MIB1: variants seen among roughly 807,000 people sequenced by gnomAD.
The protein encoded by MIB1 is E3 ubiquitin-protein ligase MIB1.
MIB1 carries 278 observed loss-of-function variants against 124.5 expected under a neutral mutation model. That is an observed-to-expected ratio of 2.23 (90% CI 2.02 to 2.47). The LOEUF (loss-of-function observed/expected upper bound fraction) is 2.47, where lower values mean the gene tolerates loss of function less well. Among genes scored for constraint, MIB1 ranks in the 30% most tolerant of loss-of-function variants. The probability of loss-of-function intolerance (pLI) is 0.00; values close to 1 mark genes in which losing one functional copy is unlikely to be tolerated. For missense variants in MIB1, 957 were observed against 1,254.4 expected (o/e 0.76, Z 3.58); for synonymous variants, 446 against 429.4 (o/e 1.04, Z -0.48).
At chr18:21,811,733 T>A (rs549515237) in intron 10 of MIB1, among the ~76,000 whole-genome samples, 10 of 151,932 alleles carry the variant, frequency 6.6e-5, no homozygotes, top group Admixed American at 2.6e-4. Context: ...AGAGTTTCAG[T>A]TTTCTCAGTT....
chr18:21,777,641 G>A (rs2041306440), intron 4 of MIB1, among the ~76,000 whole-genome samples: 1 of 151,746 alleles, frequency 6.6e-6, no homozygotes, highest in Non-Finnish European at 1.5e-5. Context: ...TGCAACCTCT[G>A]CCTCCCGGGT....
At position 21,741,419 on chromosome 18, in the gene MIB1, G is replaced by T; in HGVS notation, c.-165G>T. On this transcript the variant is annotated 5_prime_UTR_variant, in exon 1 of 21. Coordinates refer to ENST00000261537, the MANE Select transcript of MIB1 (RefSeq NM_020774.4). The surrounding 1 kb of genome is among the most constrained non-coding windows in gnomAD (Gnocchi z 5.4). ...GCTGGGCAGCGGCTTTGGGCTCCGC[G>T]GGGACCGCGCCGCCGCCCCCGTGAG... 3 of 301,518 alleles carry T rather than the reference G, an allele frequency of 9.9e-6. No individual in the cohort carries two copies. The highest frequency in any genetic ancestry group is 1.0e-3 in the Middle Eastern group (1 of 978). The allele number at this position is 301,518 out of a possible 1,614,324, so 18.7% of individuals were successfully genotyped here. A position where few individuals can be genotyped will look rare whatever the true frequency, so the allele number is the denominator to read the frequency against.
rs918566128 is a variant in MIB1, at chr18:21,716,532, A to G, written n.167+11409A>G. On this transcript the variant is annotated intron_variant and non_coding_transcript_variant, in intron 1 of 20. Coordinates refer to the MIB1 transcript ENST00000578646. ...GAATAGTACCTCACATCTCAATACT[A>G]ATGTTTAATGTAAATGGCCTAAAAA... Among the ~76,000 whole-genome samples the G allele has an allele frequency of 2.6e-5, 4 of 152,336 alleles. No individual in the cohort carries two copies. The East Asian group carries it at 7.7e-4, about 29-fold the overall frequency.
chr18:21,741,540 C>A lies in MIB1; in HGVS notation c.-44C>A. 3.9e-6 allele frequency: 5 copies of A among 1,292,752 alleles called. No individual in the cohort carries two copies. Among genetic ancestry groups the A allele is most frequent in the African/African-American group, 1.6e-5 (1 of 63,916 alleles). 80.1% of individuals were successfully genotyped at this position (1,292,752 alleles called of 1,614,324 possible). ...CTCACGGGCCCCCCGGCGGCAGCGG[C>A]GGCGGCGGCGGCGGCAGCGGCGGAG... is the stretch of plus-strand genomic sequence containing the variant. On this transcript the variant is annotated 5_prime_UTR_variant, in exon 1 of 21. Transcript: ENST00000261537. The surrounding 1 kb of genome is among the most constrained non-coding windows in gnomAD (Gnocchi z 5.4).
chr18:21,728,353 C>T (rs1352387601), intron 1 of MIB1, among the ~76,000 whole-genome samples: 4 of 152,036 alleles, frequency 2.6e-5, no homozygotes, highest in African/African-American at 9.7e-5. Context: ...ATTAGCCGGG[C>T]ATGGTTGTGG....
At chr18:21,814,295 G>A (rs898932149) in intron 10 of MIB1, among the ~76,000 whole-genome samples, 3 of 150,176 alleles carry the variant, frequency 2.0e-5, no homozygotes, top group Non-Finnish European at 4.4e-5. Context: ...ACAGAAAAAT[G>A]TATGCTCATC....
rs1277647534 is a variant in MIB1, at chr18:21,868,083, T to TA, written c.*3423dup. The stretch of plus-strand genomic sequence containing the variant: ...CCATGTTTTATAGTAATAATTTGTG[T>TA]AAAAAATTGAATTTTTGAATAGTTT... On this transcript the variant is annotated 3_prime_UTR_variant, in exon 21 of 21. Transcript: ENST00000261537. 3.9e-4 allele frequency: 59 copies of TA among 152,170 alleles called. No individual in the cohort carries two copies. The highest frequency in any genetic ancestry group is 1.4e-3 in the African/African-American group (57 of 41,580). 9.4% of individuals were successfully genotyped at this position (152,170 alleles called of 1,614,324 possible).
intron 1 of MIB1, among the ~76,000 whole-genome samples, chr18:21,732,231 G>A (rs2040774309): frequency 6.6e-6 from 1 of 151,742 alleles, no homozygotes; most frequent in Admixed American, 6.6e-5. Context: ...GGGAGGCTGA[G>A]GCAGGAGAAT....
At chr18:21,820,627 T>A (rs2041869969) in intron 12 of MIB1, among the ~76,000 whole-genome samples, 1 of 152,210 alleles carries the variant, frequency 6.6e-6, no homozygotes, top group South Asian at 2.1e-4. Flanking sequence ...ATTTTGGCAT[T>A]GTGAAGAAGA....
chr18:21,853,925 C>T, intron 18 of MIB1, among the ~76,000 whole-genome samples: 1 of 146,612 alleles, frequency 6.8e-6, no homozygotes, highest in Non-Finnish European at 1.5e-5. Flanking sequence ...AGTGCAGTGG[C>T]ACAATCTCGG....
At chr18:21,840,486 A>G (rs1164392144) in intron 13 of MIB1, among the ~76,000 whole-genome samples, 1 of 151,966 alleles carries the variant, frequency 6.6e-6, no homozygotes, top group Non-Finnish European at 1.5e-5. Flanking sequence ...ACCTGAATGT[A>G]AAAGCTTAAA....
intron 7 of MIB1, among the ~76,000 whole-genome samples, chr18:21,793,151 A>G (rs1186298704): frequency 1.3e-5 from 2 of 152,342 alleles, no homozygotes; most frequent in East Asian, 3.9e-4. Flanking sequence ...TTCATTGGCT[A>G]GTGTGGTAGA....
intron 15 of MIB1, among the ~76,000 whole-genome samples, chr18:21,845,843 C>G (rs950662233): frequency 1.6e-4 from 25 of 151,686 alleles, no homozygotes; most frequent in African/African-American, 5.8e-4. Flanking sequence ...CAGACTGGTC[C>G]CGAACTCCTG....
chr18:21,870,075 T>G lies in MIB1; in HGVS notation c.*5409T>G, dbSNP rs2042345118. On this transcript the variant is annotated 3_prime_UTR_variant, in exon 21 of 21. Coordinates refer to ENST00000261537, the MANE Select transcript of MIB1 (RefSeq NM_020774.4). ...AGTTTCCGTATGGCAAATGATTTCTTGCTTATTAGCTTTTGTTAAAGAATG... is the reference window on the plus strand; with the variant it reads ...AGTTTCCGTATGGCAAATGATTTCTGGCTTATTAGCTTTTGTTAAAGAATG... 1 of 152,576 alleles carries G rather than the reference T, an allele frequency of 6.6e-6. No homozygotes were observed. Among genetic ancestry groups the G allele is most frequent in the South Asian group, 2.1e-4 (1 of 4,828 alleles). The allele number at this position is 152,576 out of a possible 1,614,324, so 9.5% of individuals were successfully genotyped here.
At chr18:21,821,388 C>G (rs1052552375) in intron 12 of MIB1, among the ~76,000 whole-genome samples, 1 of 152,120 alleles carries the variant, frequency 6.6e-6, no homozygotes, top group Non-Finnish European at 1.5e-5. Context: ...AATCCAATCC[C>G]TCAGCCCGCT....
rs771248511 is a variant in MIB1 at position 21,864,607 on chromosome 18, C to G, written c.2962C>G (p.Arg988Gly). 6.2e-7 allele frequency: 1 copy of G among 1,613,572 alleles called. No homozygotes were observed. The highest frequency in any genetic ancestry group is 8.5e-7 in the Non-Finnish European group (1 of 1,179,620). Residue 988 changes from arginine (R) to glycine (G), a missense_variant, in exon 21 of 21, where the codon CGC becomes GGC. Coordinates refer to ENST00000261537, the MANE Select transcript of MIB1 (RefSeq NM_020774.4). ...GHGTCQLCGD[R>G]MSECPICRKA... ...CGGAACCTGTCAACTCTGTGGAGAC[C>G]GCATGAGTGAATGTCCTATCTGTCG...
intron 1 of MIB1, among the ~76,000 whole-genome samples, chr18:21,710,925 C>T (rs1022519468): frequency 2.1e-5 from 3 of 145,030 alleles, no homozygotes; most frequent in African/African-American, 2.6e-5. Flanking sequence ...CTACCTGGTT[C>T]GAGCAATTCT....
At chr18:21,838,279 G>T in intron 12 of MIB1, 86 bp from the exon 13 acceptor site, 1 of 834,982 alleles carries the variant, frequency 1.2e-6, no homozygotes, top group East Asian at 2.9e-5. Flanking sequence ...TTTCTTTAAA[G>T]AGGAGTATCT....
intron 7 of MIB1, among the ~76,000 whole-genome samples, chr18:21,795,222 A>T (rs1363422935): frequency 6.8e-6 from 1 of 147,574 alleles, no homozygotes; most frequent in East Asian, 1.9e-4. Context: ...CACATGAATG[A>T]CTAATTTCAG....
Sources: allele counts gnomAD v4.1 joint callset (sites outside exome capture counted in the v4.1 genomes callset), GRCh38; gene constraint gnomAD v4.1.1; non-coding constraint Gnocchi (gnomAD v3.1); transcripts MANE v1.5; gene names NCBI Gene and HGNC (gene_info 2026-07-23, HGNC 2026-07-21).